The following FOXP1 variants were observed in gnomAD, a reference collection of about 807,000 sequenced individuals.
The protein encoded by FOXP1 is forkhead box P1.
FOXP1 carries 15 observed loss-of-function variants against 98.2 expected under a neutral mutation model. The observed-to-expected ratio is 0.15, with a 90% CI of 0.10 to 0.24. The LOEUF is 0.24. Among genes scored for constraint, FOXP1 ranks in the 10% least tolerant of loss-of-function variants. The pLI is 1.00. For synonymous variants in FOXP1, 371 were observed against 314.5 expected (o/e 1.18, Z -1.90); for missense variants, 633 against 848.5 (o/e 0.75, Z 3.15).
chr3:71,374,863 T>C (rs78663646), intron 3 of FOXP1, among the ~76,000 whole-genome samples: 72 of 152,310 alleles, frequency 4.7e-4, no homozygotes, highest in Non-Finnish European at 8.4e-4. Flanking sequence ...GGTGTGAAAG[T>C]TGGCTTCACT....
intron 6 of FOXP1, among the ~76,000 whole-genome samples, chr3:71,124,803 C>A (rs1360943520): frequency 6.6e-6 from 1 of 152,206 alleles, no homozygotes; most frequent in Non-Finnish European, 1.5e-5. Flanking sequence ...TAACACACTG[C>A]CCCCAGGCAT....
chr3:71,516,737 T>A (rs1207871231), intron 2 of FOXP1, among the ~76,000 whole-genome samples: 2 of 152,012 alleles, frequency 1.3e-5, no homozygotes, highest in Non-Finnish European at 2.9e-5. Flanking sequence ...TCCCAGCTAC[T>A]TGGGAGGCTG....
At chr3:71,091,411 A>G (rs1325145589) in intron 7 of FOXP1, among the ~76,000 whole-genome samples, 1 of 151,808 alleles carries the variant, frequency 6.6e-6, no homozygotes, top group African/African-American at 2.4e-5. Context: ...AAGTGCTTGA[A>G]CCCGGGAGGC....
At chr3:71,373,648 G>C (rs1467634391) in intron 3 of FOXP1, among the ~76,000 whole-genome samples, 2 of 152,210 alleles carry the variant, frequency 1.3e-5, no homozygotes, top group Non-Finnish European at 2.9e-5. Flanking sequence ...TACTTCTTGT[G>C]TGGCTTTGGA....
At chr3:71,489,397 C>A (rs2090903879) in intron 3 of FOXP1, among the ~76,000 whole-genome samples, 1 of 152,238 alleles carries the variant, frequency 6.6e-6, no homozygotes, top group South Asian at 2.1e-4. Context: ...CAAGGGACAA[C>A]CTAGTGGTAG....
chr3:71,236,572 A>C (rs1438037609), intron 5 of FOXP1, among the ~76,000 whole-genome samples: 1 of 152,236 alleles, frequency 6.6e-6, no homozygotes, highest in Non-Finnish European at 1.5e-5. Flanking sequence ...GCAGCCACGT[A>C]TAAACAAGCA....
chr3:71,184,769 G>T (rs573741001), intron 6 of FOXP1, among the ~76,000 whole-genome samples: 17 of 128,866 alleles, frequency 1.3e-4, no homozygotes, highest in East Asian at 2.4e-4. Context: ...TTTTTTTTTT[G>T]GGGGGGGCAT....
intron 5 of FOXP1, among the ~76,000 whole-genome samples, chr3:71,262,128 T>C (rs1396291602): frequency 6.6e-6 from 1 of 151,624 alleles, no homozygotes; most frequent in Non-Finnish European, 1.5e-5. Flanking sequence ...TAGCTGGGCA[T>C]GGTGGCACGC....
chr3:70,972,084 G>A (rs1434212302), intron 18 of FOXP1: 14 of 1,528,180 alleles, frequency 9.2e-6, no homozygotes, highest in African/African-American at 2.8e-5. Flanking sequence ...TGGCGGCCAC[G>A]TTTAAACTCT....
rs200972089 is a variant in FOXP1 at position 71,062,793 on chromosome 3, ACTTTC to A, written c.283-9025_283-9021del. 9.2e-5 allele frequency among the ~76,000 whole-genome samples: 14 copies of A among 152,350 alleles called. No individual in the cohort carries two copies. In the East Asian group the frequency reaches 2.1e-3, roughly 23 times the overall value. ...CAAACGGGTGAATATAAAGCCCATT[ACTTTC>A]CTTCTATAAGTCGTTCTTAGGGTTA... On this transcript the variant is annotated intron_variant, in intron 7 of 20. Coordinates refer to ENST00000649528, the MANE Select transcript of FOXP1 (RefSeq NM_001349338.3).
intron 3 of FOXP1, among the ~76,000 whole-genome samples, chr3:71,404,046 T>C (rs112679411): frequency 0.16 from 23,450 of 150,822 alleles, 2,201 homozygotes; most frequent in South Asian, 0.23. Context: ...GGCGATGGCC[T>C]ACAGATAATT....
chr3:70,967,710 GTTT>G lies in FOXP1; in HGVS notation c.1723-1657_1723-1655del, dbSNP rs756777959. On this transcript the variant is annotated intron_variant, in intron 19 of 20. Transcript: ENST00000649528. ...TTGTTTTTTTTTTTTGTTTTTTTTT[GTTT>G]TTTTTTTTTTTTTTTGCAAACTGCA... is the stretch of plus-strand genomic sequence containing the variant. Among the ~76,000 whole-genome samples, 15 of 68,868 alleles carry G rather than the reference GTTT, an allele frequency of 2.2e-4. No homozygotes were observed. The East Asian group carries it at 2.6e-3, about 12-fold the overall frequency. The allele number at this position is 68,868 out of a possible 152,430, so 45.2% of individuals were successfully genotyped here.
intron 3 of FOXP1, among the ~76,000 whole-genome samples, chr3:71,469,963 G>A (rs1327642955): frequency 1.3e-5 from 2 of 151,918 alleles, no homozygotes; most frequent in East Asian, 3.9e-4. Context: ...GGTAATCTAT[G>A]AACTCTAAAA....
rs143051998 is a variant in FOXP1 at position 71,124,464 on chromosome 3, ATAGT to A, written c.181-11831_181-11828del. On this transcript the variant is annotated intron_variant, in intron 6 of 20. Coordinates refer to ENST00000649528, the MANE Select transcript of FOXP1 (RefSeq NM_001349338.3). ...GTTTAAAGTATGTAAAATAACTACA[ATAGT>A]TAAATTATTTTACCTACTCCAAAAT... 7.5e-3 allele frequency among the ~76,000 whole-genome samples: 1,137 copies of A among 152,180 alleles called. 9 individuals carry two copies. Among genetic ancestry groups the A allele is most frequent in the African/African-American group, 0.02 (850 of 41,564 alleles).
intron 4 of FOXP1, among the ~76,000 whole-genome samples, chr3:71,317,736 A>C (rs1041996056): frequency 6.6e-6 from 1 of 151,974 alleles, no homozygotes; most frequent in African/African-American, 2.4e-5. Context: ...TGTCCCCCCC[A>C]CACAATTGTT....
At chr3:71,002,842 T>G (rs903341929) in intron 12 of FOXP1, among the ~76,000 whole-genome samples, 3 of 152,174 alleles carry the variant, frequency 2.0e-5, no homozygotes, top group African/African-American at 7.2e-5. Context: ...GCAATTAGTC[T>G]CTTGTCTCAC....
At chr3:71,318,107 A>C (rs1417114977) in intron 4 of FOXP1, among the ~76,000 whole-genome samples, 1 of 152,190 alleles carries the variant, frequency 6.6e-6, no homozygotes, top group Non-Finnish European at 1.5e-5. Context: ...ATTTTTAAAA[A>C]ATGTAGTGAT....
At chr3:71,289,636 T>C (rs546043979) in intron 5 of FOXP1, 4 of 152,282 alleles carry the variant, frequency 2.6e-5, no homozygotes, top group Non-Finnish European at 4.4e-5. Context: ...TTTAATGGTG[T>C]TGGCTTTTTA....
At chr3:71,382,565 TCC>T in intron 3 of FOXP1, among the ~76,000 whole-genome samples, 1 of 152,258 alleles carries the variant, frequency 6.6e-6, no homozygotes, top group Non-Finnish European at 1.5e-5. Context: ...AAGAAAATAT[TCC>T]CTTTTCCACT....
Sources: allele counts gnomAD v4.1 joint callset (sites outside exome capture counted in the v4.1 genomes callset), GRCh38; gene constraint gnomAD v4.1.1; transcripts MANE v1.5; gene names NCBI Gene and HGNC (gene_info 2026-07-23, HGNC 2026-07-21).